Variants in GLG1 observed in about 807,000 individuals in gnomAD.
The protein encoded by GLG1 is golgi glycoprotein 1.
In GLG1, 38 loss-of-function variants were observed where a neutral mutation model predicts 160.5. The ratio of observed to expected loss-of-function variants is 0.24; its 90% CI spans 0.18 to 0.31. The LOEUF (loss-of-function observed/expected upper bound fraction) is 0.31. GLG1 is among the 10% of genes least tolerant of loss of function. The pLI, the probability that GLG1 is intolerant of heterozygous loss-of-function variation, is 1.00. For synonymous variants in GLG1, 644 were observed against 543.4 expected (o/e 1.19, Z -2.57); for missense variants, 1,373 against 1,505.2 (o/e 0.91, Z 1.45).
intron 7 of GLG1, 124 bp downstream of exon 7, chr16:74,492,833 A>G (rs556299436): frequency 2.1e-5 from 11 of 526,986 alleles, no homozygotes; most frequent in South Asian, 5.1e-5. Context: ...GAAAAAAAAA[A>G]AAAAAAGAAA....
rs945029319 is a variant in GLG1, at chr16:74,503,490, T to A, written c.774+41A>T. 1.2e-5 allele frequency: 16 copies of A among 1,349,420 alleles called. No homozygotes were observed. In the Admixed American group the frequency reaches 2.4e-4, roughly 20 times the overall value. The allele number at this position is 1,349,420 out of a possible 1,614,324, so 83.6% of individuals were successfully genotyped here. On this transcript the variant is annotated intron_variant, in intron 4 of 25. Coordinates refer to ENST00000422840, the MANE Select transcript of GLG1 (RefSeq NM_001145667.2). ...TATACAAAGCTTTTCATACACCAAA[T>A]TTTAAGACCCCTTTGTTGAAGCTAA...
intron 19 of GLG1, 69 bp downstream of exon 19, chr16:74,465,607 T>C (rs2014970981): frequency 6.6e-7 from 1 of 1,504,832 alleles, no homozygotes; most frequent in Admixed American, 1.8e-5. Flanking sequence ...CTGAGGAAGT[T>C]GCTGCCATTG....
chr16:74,483,626 CCT>C (rs991634647), intron 9 of GLG1, among the ~76,000 whole-genome samples: 1 of 151,782 alleles, frequency 6.6e-6, no homozygotes, highest in Non-Finnish European at 1.5e-5. Flanking sequence ...CATGTAATAC[CCT>C]GTTAGTTTTC....
chr16:74,472,618 A>G, intron 13 of GLG1: 3 of 1,438,026 alleles, frequency 2.1e-6, no homozygotes, highest in Non-Finnish European at 2.8e-6. Context: ...ATTTTTAAAG[A>G]CATATTCCCT....
chr16:74,518,705 A>G (rs2017064076), intron 2 of GLG1, among the ~76,000 whole-genome samples: 2 of 152,236 alleles, frequency 1.3e-5, no homozygotes, highest in African/African-American at 4.8e-5. Flanking sequence ...ATGGGATCTA[A>G]TTCAACTAAA....
intron 1 of GLG1, among the ~76,000 whole-genome samples, chr16:74,605,820 C>T (rs1958552708): frequency 1.3e-5 from 2 of 152,086 alleles, no homozygotes; most frequent in Admixed American, 6.6e-5. Context: ...TATACCTACA[C>T]CTCTGGAAAA....
At position 74,478,710 on chromosome 16, in the gene GLG1, G is replaced by A. The variant is rs868662804; in HGVS notation, c.1828-1177C>T. Among the ~76,000 whole-genome samples, 152 of 149,592 alleles carry A rather than the reference G, an allele frequency of 1.0e-3. 1 individual carries two copies. The highest frequency in any genetic ancestry group is 3.2e-3 in the African/African-American group (129 of 40,500). ...GCAGATCACCTGAGGTCTGGAGTTC[G>A]AGACCAGCCTGACCAATATGGAGAA... On this transcript the variant is annotated intron_variant, in intron 11 of 25. Transcript: ENST00000422840.
At chr16:74,493,666 T>C (rs1006089785) in intron 6 of GLG1, among the ~76,000 whole-genome samples, 3 of 152,316 alleles carry the variant, frequency 2.0e-5, no homozygotes, top group Non-Finnish European at 2.9e-5. Context: ...AATGACAAGA[T>C]AGCAAAATTA....
chr16:74,496,713 TACACACACACACACACACAC>T (rs34221253), intron 4 of GLG1, 69 bp from the exon 5 acceptor site: 42 of 617,574 alleles, frequency 6.8e-5, no homozygotes, highest in Admixed American at 1.2e-4. Flanking sequence ...AACATTTGGC[TACACACACACACACACACAC>T]ACACACACAC....
intron 1 of GLG1, among the ~76,000 whole-genome samples, chr16:74,600,966 T>C (rs1434115938): frequency 6.6e-6 from 1 of 152,156 alleles, no homozygotes; most frequent in Non-Finnish European, 1.5e-5. Flanking sequence ...CTTAAAGTAC[T>C]AGTGTCCTTC....
At chr16:74,520,695 A>T (rs1291533558) in intron 2 of GLG1, among the ~76,000 whole-genome samples, 1 of 152,190 alleles carries the variant, frequency 6.6e-6, no homozygotes. Flanking sequence ...GAAGAACTGC[A>T]TGCCAGAAAT....
At chr16:74,580,321 C>CA (rs998978911) in intron 1 of GLG1, among the ~76,000 whole-genome samples, 7 of 150,670 alleles carry the variant, frequency 4.6e-5, no homozygotes, top group South Asian at 4.2e-4. Context: ...CCCATCTCTA[C>CA]AAAAAAAACT....
At chr16:74,568,520 C>T (rs1049607961) in intron 1 of GLG1, among the ~76,000 whole-genome samples, 1 of 151,234 alleles carries the variant, frequency 6.6e-6, no homozygotes, top group Non-Finnish European at 1.5e-5. Context: ...CGGGTTCAAG[C>T]GATTCTCCTG....
intron 25 of GLG1, chr16:74,456,402 T>C: frequency 2.3e-6 from 1 of 435,714 alleles, no homozygotes; most frequent in Non-Finnish European, 4.1e-6. Context: ...CCTCGTGATC[T>C]GCCTGCCTCG....
chr16:74,572,931 G>A (rs1486866279), intron 1 of GLG1, among the ~76,000 whole-genome samples: 1 of 152,166 alleles, frequency 6.6e-6, no homozygotes. Context: ...GGGATCTGAT[G>A]CTATTTCCAG....
At chr16:74,492,906 G>A (rs1439742004) in intron 7 of GLG1, 51 bp downstream of exon 7, 4 of 1,161,336 alleles carry the variant, frequency 3.4e-6, no homozygotes, top group South Asian at 3.2e-5. Context: ...TTTAGAGTGT[G>A]AATCCAAAAA....
At chr16:74,583,402 CAG>C (rs1957979603) in intron 1 of GLG1, among the ~76,000 whole-genome samples, 1 of 152,012 alleles carries the variant, frequency 6.6e-6, no homozygotes, top group Non-Finnish European at 1.5e-5. Context: ...GGGTTGGGCG[CAG>C]AGTTTCGCTC....
intron 4 of GLG1, among the ~76,000 whole-genome samples, chr16:74,502,322 GACT>G (rs1351302876): frequency 6.6e-6 from 1 of 152,056 alleles, no homozygotes; most frequent in African/African-American, 2.4e-5. Flanking sequence ...CTGTTCAGCA[GACT>G]AAGTCAAAAA....
chr16:74,533,224 G>C (rs2017594663), intron 1 of GLG1, among the ~76,000 whole-genome samples: 2 of 151,984 alleles, frequency 1.3e-5, no homozygotes, highest in South Asian at 2.1e-4. Context: ...TGGAGGCAGA[G>C]GCAGGAGAAT....
Sources: gnomAD v4.1 joint callset for allele counts (sites outside exome capture counted in the v4.1 genomes callset) on GRCh38, gnomAD v4.1.1 for gene constraint, MANE v1.5 for transcripts, NCBI Gene and HGNC (gene_info 2026-07-23, HGNC 2026-07-21) for gene names.